The following STPG2 variants were observed in gnomAD, a reference collection of about 807,000 sequenced individuals.
STPG2 encodes sperm-tail PG-rich repeat-containing protein 2.
Under a neutral mutation model 54.2 loss-of-function variants are expected in STPG2, and 56 were observed. That is an observed-to-expected ratio of 1.03 (90% CI 0.83 to 1.29). STPG2 has a LOEUF of 1.29. Among genes scored for constraint, STPG2 ranks in the 50% most tolerant of loss-of-function variants. The probability of loss-of-function intolerance (pLI) is 0.00; values close to 1 mark genes in which losing one functional copy is unlikely to be tolerated. For missense variants in STPG2, 596 were observed against 544.9 expected (o/e 1.09, Z -0.93); for synonymous variants, 200 against 181.8 (o/e 1.10, Z -0.81).
At chr4:97,608,331 A>G (rs1733645072) in intron 10 of STPG2, among the ~76,000 whole-genome samples, 1 of 151,948 alleles carries the variant, frequency 6.6e-6, no homozygotes, top group East Asian at 1.9e-4. Context: ...AAGGTGCCTA[A>G]CTGATTAAAA....
At chr4:97,749,237 T>A (rs938132845) in intron 9 of STPG2, among the ~76,000 whole-genome samples, 3 of 151,740 alleles carry the variant, frequency 2.0e-5, no homozygotes, top group Non-Finnish European at 4.4e-5. Flanking sequence ...ATTTGGAAAC[T>A]TTTAGCCAAA....
chr4:98,092,895 A>G (rs1738732062), intron 5 of STPG2, among the ~76,000 whole-genome samples: 1 of 152,124 alleles, frequency 6.6e-6, no homozygotes, highest in Non-Finnish European at 1.5e-5. Flanking sequence ...AAGAACTAAA[A>G]TTTCCAGTTT....
At chr4:97,444,853 C>T (rs916228862) in intron 4 of STPG2, among the ~76,000 whole-genome samples, 1 of 152,064 alleles carries the variant, frequency 6.6e-6, no homozygotes, top group Non-Finnish European at 1.5e-5. Context: ...CATCGTGAAA[C>T]CCCGTCTCTA....
At chr4:97,547,810 T>C (rs1172441503) in intron 4 of STPG2, among the ~76,000 whole-genome samples, 1 of 152,132 alleles carries the variant, frequency 6.6e-6, no homozygotes, top group Admixed American at 6.5e-5. Flanking sequence ...TGTCATACTC[T>C]AATTCGAGGA....
At chr4:97,693,013 T>TA (rs1366885366) in intron 10 of STPG2, among the ~76,000 whole-genome samples, 1 of 151,988 alleles carries the variant, frequency 6.6e-6, no homozygotes, top group African/African-American at 2.4e-5. Context: ...AATTTGCCAC[T>TA]ACTAAGCCAG....
intron 10 of STPG2, among the ~76,000 whole-genome samples, chr4:97,666,486 T>C (rs570108055): frequency 1.3e-5 from 2 of 152,362 alleles, no homozygotes; most frequent in East Asian, 3.9e-4. Flanking sequence ...AAAGGATCAA[T>C]AAGTAATATA....
intron 5 of STPG2, among the ~76,000 whole-genome samples, chr4:98,088,182 T>C (rs987864190): frequency 6.6e-6 from 1 of 152,170 alleles, no homozygotes; most frequent in African/African-American, 2.4e-5. Flanking sequence ...AAGTATAGGA[T>C]GCATACAGAA....
intron 10 of STPG2, among the ~76,000 whole-genome samples, chr4:97,595,559 T>A (rs1000247826): frequency 6.6e-6 from 1 of 151,034 alleles, no homozygotes; most frequent in Non-Finnish European, 1.5e-5. Context: ...GTAACAAACC[T>A]GCATGTTGTG....
intron 8 of STPG2, among the ~76,000 whole-genome samples, chr4:97,897,903 A>G (rs1299598633): frequency 2.6e-5 from 4 of 151,514 alleles, no homozygotes; most frequent in African/African-American, 9.7e-5. Context: ...GAAGCTCTTA[A>G]GTATAATTAG....
At chr4:97,871,229 GAT>G (rs1466402365) in intron 8 of STPG2, among the ~76,000 whole-genome samples, 2 of 150,812 alleles carry the variant, frequency 1.3e-5, no homozygotes, top group African/African-American at 4.8e-5. Flanking sequence ...TCATATAAAA[GAT>G]GTAGGAAAAT....
intron 5 of STPG2, among the ~76,000 whole-genome samples, chr4:98,052,549 T>C (rs1199567247): frequency 6.6e-6 from 1 of 152,208 alleles, no homozygotes; most frequent in East Asian, 1.9e-4. Flanking sequence ...TGTTTTTATG[T>C]TTTGTTGATG....
intron 4 of STPG2, among the ~76,000 whole-genome samples, chr4:97,544,017 T>C (rs1329088412): frequency 6.6e-6 from 1 of 152,110 alleles, no homozygotes; most frequent in Non-Finnish European, 1.5e-5. Flanking sequence ...AGAATGTGGT[T>C]CAACAAAAAG....
intron 1 of STPG2, among the ~76,000 whole-genome samples, chr4:98,137,258 T>A (rs757655228): frequency 5.9e-5 from 9 of 151,510 alleles, no homozygotes; most frequent in Non-Finnish European, 1.3e-4. Flanking sequence ...ATATACTTCA[T>A]AATGATAAAG....
At chr4:97,707,567 G>A (rs947479212) in intron 10 of STPG2, among the ~76,000 whole-genome samples, 2 of 151,570 alleles carry the variant, frequency 1.3e-5, no homozygotes, top group African/African-American at 4.8e-5. Context: ...TGGAGGGAGG[G>A]GGGAAGTACT....
At chr4:97,547,488 G>A (rs1731859496) in intron 4 of STPG2, among the ~76,000 whole-genome samples, 1 of 152,170 alleles carries the variant, frequency 6.6e-6, no homozygotes, top group Non-Finnish European at 1.5e-5. Context: ...GGGATTACAG[G>A]CGTGAGCCAC....
At chr4:97,848,392 T>A (rs1729034535) in intron 8 of STPG2, among the ~76,000 whole-genome samples, 1 of 152,146 alleles carries the variant, frequency 6.6e-6, no homozygotes, top group South Asian at 2.1e-4. Flanking sequence ...CAAAATTTCC[T>A]CAGATAAGAT....
chr4:97,649,309 T>C (rs1223449466), intron 10 of STPG2, among the ~76,000 whole-genome samples: 2 of 152,166 alleles, frequency 1.3e-5, no homozygotes, highest in Non-Finnish European at 2.9e-5. Flanking sequence ...TCTATAATAA[T>C]ATTAACATTT....
intron 9 of STPG2, among the ~76,000 whole-genome samples, chr4:97,797,619 T>C (rs1030386718): frequency 1.3e-5 from 2 of 152,216 alleles, no homozygotes; most frequent in Non-Finnish European, 2.9e-5. Context: ...TTTGCATTGA[T>C]GTTCATCAGG....
chr4:97,537,198 C>A lies in STPG2; in HGVS notation c.462+175501G>T, dbSNP rs1578370513. ...ACTGGGACCTGTCGGACAGTGGGTG[C>A]AGGACAGTGGGTGCAGTGAACCGAG... On this transcript the variant is annotated intron_variant, in intron 4 of 4. Coordinates refer to the STPG2 transcript ENST00000522676. 2.0e-5 allele frequency among the ~76,000 whole-genome samples: 3 copies of A among 152,176 alleles called. No individual in the cohort carries two copies. The East Asian group carries it at 5.8e-4, about 29-fold the overall frequency.
Sources: gnomAD v4.1 joint callset for allele counts (sites outside exome capture counted in the v4.1 genomes callset) on GRCh38, gnomAD v4.1.1 for gene constraint, MANE v1.5 for transcripts, NCBI Gene and HGNC (gene_info 2026-07-23, HGNC 2026-07-21) for gene names.